The following DIS3L2 variants were observed in gnomAD, a reference collection of about 807,000 sequenced individuals.
DIS3L2 encodes the protein DIS3-like exonuclease 2.
A neutral mutation model predicts 97.5 loss-of-function variants in DIS3L2; 34 were observed. That is an observed-to-expected ratio of 0.35 (90% CI 0.27 to 0.46). The LOEUF is 0.46. DIS3L2 is among the 20% of genes least tolerant of loss of function. The pLI, the probability that DIS3L2 is intolerant of heterozygous loss-of-function variation, is 1.00. For missense variants in DIS3L2, 1,038 were observed against 1,146.0 expected, an observed-to-expected ratio of 0.91 and a Z score of 1.36; for synonymous variants, 435 against 445.2, an observed-to-expected ratio of 0.98 and a Z score of 0.29.
At chr2:231,986,850 CTG>C (rs1164464638) in intron 1 of DIS3L2, among the ~76,000 whole-genome samples, 4 of 152,162 alleles carry the variant, frequency 2.6e-5, no homozygotes, top group African/African-American at 9.7e-5. Context: ...CTTTCAGAAA[CTG>C]AGAACCAGGG....
intron 6 of DIS3L2, among the ~76,000 whole-genome samples, chr2:232,123,602 A>G (rs1001415285): frequency 4.6e-5 from 7 of 152,158 alleles, no homozygotes; most frequent in Middle Eastern, 6.8e-3. Flanking sequence ...GTTAATCGTT[A>G]TGGTGGGCTA....
At chr2:232,054,292 C>A (rs1199435486) in intron 5 of DIS3L2, among the ~76,000 whole-genome samples, 1 of 152,112 alleles carries the variant, frequency 6.6e-6, no homozygotes, top group African/African-American at 2.4e-5. Context: ...AGTGTACTGT[C>A]CTCATGGAAC....
Position 232,087,484 on chromosome 2 carries a change from T to C in DIS3L2, c.367-3T>C. On this transcript the variant is annotated splice_polypyrimidine_tract_variant and splice_region_variant and intron_variant, in intron 5 of 20. Coordinates refer to ENST00000325385, the MANE Select transcript of DIS3L2 (RefSeq NM_152383.5). Reference sequence around the variant, plus strand: ...TTTAGCAGAATTTTTCTGTTTTCTTTAGGTAGTTAAACCAGAGAGCAATGA... The same window carrying C: ...TTTAGCAGAATTTTTCTGTTTTCTTCAGGTAGTTAAACCAGAGAGCAATGA... 6.2e-7 allele frequency: 1 copy of C among 1,602,632 alleles called. No homozygotes were observed.
intron 9 of DIS3L2, among the ~76,000 whole-genome samples, chr2:232,191,264 C>A (rs751023681): frequency 6.6e-6 from 1 of 152,152 alleles, no homozygotes; most frequent in Non-Finnish European, 1.5e-5. Flanking sequence ...GCGACATACA[C>A]ATTTTTGGAC....
intron 9 of DIS3L2, among the ~76,000 whole-genome samples, chr2:232,166,544 C>T (rs1690826143): frequency 6.6e-6 from 1 of 152,234 alleles, no homozygotes; most frequent in Non-Finnish European, 1.5e-5. Flanking sequence ...GGTGAAACCT[C>T]ATCTCTACTA....
At chr2:231,980,724 G>A (rs1693228852) in intron 1 of DIS3L2, among the ~76,000 whole-genome samples, 3 of 151,904 alleles carry the variant, frequency 2.0e-5, no homozygotes, top group Admixed American at 1.3e-4. Context: ...AAAAAGATAA[G>A]CTTGTTAATT....
rs560149668 is a variant in DIS3L2, at chr2:232,188,546, C to G, written c.1125-21780C>G. Among the ~76,000 whole-genome samples the G allele has an allele frequency of 3.3e-5, 5 of 152,300 alleles. No individual in the cohort carries two copies. In the East Asian group the frequency reaches 7.7e-4, roughly 24 times the overall value. ...CATAGGCAAATAAATGAACTTCGAT[C>G]TAAACCTCATGCCTTATGCAAAAGT... On this transcript the variant is annotated intron_variant, in intron 9 of 20. Transcript: ENST00000325385.
Position 232,030,232 on chromosome 2 carries a change from C to T in DIS3L2, c.366+152C>T, listed in dbSNP as rs1000235392. 2.6e-5 allele frequency: 17 copies of T among 658,342 alleles called. No homozygotes were observed. In the South Asian group the frequency reaches 3.2e-4, roughly 12 times the overall value. 40.8% of individuals were successfully genotyped at this position (658,342 alleles called of 1,614,324 possible). A position where few individuals can be genotyped will look rare whatever the true frequency, so the allele number is the denominator to read the frequency against. On this transcript the variant is annotated intron_variant, in intron 5 of 20. Transcript: ENST00000325385. ...AATCTTGGAAGCATGCTACCGAATG[C>T]TTGGAACTTAGAAGCATCTGCTGGG... is the stretch of plus-strand genomic sequence containing the variant.
chr2:232,122,464 C>A (rs1419902797), intron 6 of DIS3L2, among the ~76,000 whole-genome samples: 3 of 152,180 alleles, frequency 2.0e-5, no homozygotes, highest in Non-Finnish European at 4.4e-5. Context: ...CGCCTGTAAT[C>A]CCAGCATTTT....
At chr2:232,249,102 A>G (rs1693345608) in intron 11 of DIS3L2, 137 bp from the exon 12 acceptor site, 2 of 722,998 alleles carry the variant, frequency 2.8e-6, no homozygotes, top group Admixed American at 5.0e-5. Flanking sequence ...GTCTTTCTGC[A>G]GAGTCTTTGG....
intron 5 of DIS3L2, among the ~76,000 whole-genome samples, chr2:232,079,627 T>TAAAAAAAA (rs1696327045): frequency 1.2e-5 from 1 of 86,774 alleles, no homozygotes; most frequent in African/African-American, 4.8e-5. Context: ...AAAAAAAAAG[T>TAAAAAAAA]AAAGAAAAGA....
chr2:232,136,415 C>A (rs961972899), intron 7 of DIS3L2, 57 bp from the exon 8 acceptor site: 3 of 1,594,350 alleles, frequency 1.9e-6, no homozygotes, highest in Non-Finnish European at 2.6e-6. Flanking sequence ...TGACCTCTCC[C>A]AAGTGTAATT....
intron 16 of DIS3L2, among the ~76,000 whole-genome samples, chr2:232,333,302 ACCTCCT>A (rs201814833): frequency 2.6e-5 from 3 of 113,266 alleles, no homozygotes; most frequent in East Asian, 2.6e-4. Flanking sequence ...TGCCATCGCC[ACCTCCT>A]CCTCCTCCTC....
At chr2:232,153,656 G>C (rs1690384891) in intron 8 of DIS3L2, among the ~76,000 whole-genome samples, 1 of 117,878 alleles carries the variant, frequency 8.5e-6, no homozygotes, top group African/African-American at 3.5e-5. Flanking sequence ...TTTCAACTTT[G>C]GTGAATCTGA....
At chr2:232,053,231 G>A (rs1695456450) in intron 5 of DIS3L2, among the ~76,000 whole-genome samples, 2 of 152,074 alleles carry the variant, frequency 1.3e-5, no homozygotes, top group Admixed American at 1.3e-4. Context: ...CATTTTCAAG[G>A]TACTTCTGTT....
chr2:231,988,708 C>T (rs1312964180), intron 1 of DIS3L2, among the ~76,000 whole-genome samples: 1 of 152,132 alleles, frequency 6.6e-6, no homozygotes, highest in Non-Finnish European at 1.5e-5. Context: ...TTGGTAGTAA[C>T]TTCCAGATGT....
In DIS3L2 at chr2:232,134,861, T is replaced by TTG. The variant is rs568749543; in HGVS notation, c.703-1604_703-1603dup. On this transcript the variant is annotated intron_variant, in intron 7 of 20. Transcript: ENST00000325385. ...AAAAAGTGTGCATGTGGTATTGGTA[T>TTG]TGTGTGTGCGCACACACACACACAC... Among the ~76,000 whole-genome samples, 1,468 of 151,148 alleles carry TTG rather than the reference T, an allele frequency of 9.7e-3. 9 individuals carry two copies. The highest frequency in any genetic ancestry group is 0.02 in the African/African-American group (826 of 41,200).
intron 19 of DIS3L2, chr2:232,335,484 T>C (rs1240778694): frequency 2.4e-6 from 1 of 413,336 alleles, no homozygotes; most frequent in Admixed American, 3.8e-5. Flanking sequence ...CCGCCACAGT[T>C]CTCTGTCCCC....
chr2:232,091,649 CCTTT>C (rs1262358470), intron 6 of DIS3L2, among the ~76,000 whole-genome samples: 2 of 152,040 alleles, frequency 1.3e-5, no homozygotes, highest in Non-Finnish European at 2.9e-5. Flanking sequence ...ACACTGTTTT[CCTTT>C]CTTTTGGATA....
Sources: gnomAD v4.1 joint callset for allele counts (sites outside exome capture counted in the v4.1 genomes callset) on GRCh38, gnomAD v4.1.1 for gene constraint, MANE v1.5 for transcripts, NCBI Gene and HGNC (gene_info 2026-07-23, HGNC 2026-07-21) for gene names.